AIF1L: variants seen among roughly 807,000 people sequenced by gnomAD.
AIF1L encodes allograft inflammatory factor 1-like.
AIF1L carries 12 observed loss-of-function variants against 20.7 expected under a neutral mutation model. The observed-to-expected ratio is 0.58, with a 90% CI of 0.37 to 0.94. The LOEUF (loss-of-function observed/expected upper bound fraction) is 0.94. AIF1L is among the 40% of genes least tolerant of loss of function. The probability of loss-of-function intolerance (pLI) is 0.01; values close to 1 mark genes in which losing one functional copy is unlikely to be tolerated. For synonymous variants in AIF1L, 76 were observed against 65.1 expected (o/e 1.17, Z -0.81); for missense variants, 173 against 185.3 (o/e 0.93, Z 0.39).
At chr9:131,096,933 G>T (rs1830542415) in intron 2 of AIF1L, 70 bp downstream of exon 2, 1 of 1,444,286 alleles carries the variant, frequency 6.9e-7, no homozygotes. Flanking sequence ...CTCTCCTTCC[G>T]CGAGGCCGTG....
At position 131,114,582 on chromosome 9, in the gene AIF1L, T is replaced by C. The variant is rs1404474662; in HGVS notation, c.166T>C (p.Tyr56His). 6.2e-7 allele frequency: 1 copy of C among 1,613,990 alleles called. No individual in the cohort carries two copies. The highest frequency in any genetic ancestry group is 8.5e-7 in the Non-Finnish European group (1 of 1,179,966). Residue 56 changes from tyrosine (Y) to histidine (H), a missense_variant, in exon 4 of 6, where the codon TAC becomes CAC. By Grantham distance (83) the Tyr-to-His change is moderately conservative. Transcript: ENST00000247291. ...PEKLTAFKEK[Y>H]MEFDLNNEGE... ...TTTTGCTCTGTGATTTCCAGAGAAG[T>C]ACATGGAGTTTGACCTGAACAATGA...
intron 4 of AIF1L, among the ~76,000 whole-genome samples, chr9:131,116,190 A>C (rs1258934610): frequency 6.6e-6 from 1 of 152,162 alleles, no homozygotes; most frequent in African/African-American, 2.4e-5. Context: ...TGAAAAAAAT[A>C]ACTTTCTATT....
intron 2 of AIF1L, among the ~76,000 whole-genome samples, chr9:131,097,734 A>G (rs958268808): frequency 6.6e-5 from 10 of 152,248 alleles, no homozygotes; most frequent in African/African-American, 2.4e-4. Flanking sequence ...ACCTGGGCTC[A>G]GATCTGGCCT....
rs766820239 is a variant in AIF1L, at chr9:131,117,805, C to T, written c.252C>T (p.Thr84=). 28 of 1,613,864 alleles carry T rather than the reference C, an allele frequency of 1.7e-5. No homozygotes were observed. Among genetic ancestry groups the T allele is most frequent in the Non-Finnish European group, 2.0e-5 (24 of 1,179,968 alleles). The change falls in exon 5 of 6, where the codon ACC becomes ACT. Residue 84 remains threonine (T), a synonymous_variant. Transcript: ENST00000247291. ...RMMEKLGVPK[T]HLEMKKMISE... is the part of the protein sequence containing the mutation. ...TGGAGAAGCTTGGTGTCCCCAAGAC[C>T]CACCTGGAGATGAAGAAGATGATCT...
intron 2 of AIF1L, among the ~76,000 whole-genome samples, chr9:131,104,661 T>G (rs1830705660): frequency 6.6e-6 from 1 of 152,202 alleles, no homozygotes; most frequent in Non-Finnish European, 1.5e-5. Context: ...CTGAATAGTC[T>G]GTGAGGGTCT....
intron 2 of AIF1L, among the ~76,000 whole-genome samples, chr9:131,103,732 GC>G (rs1830685943): frequency 6.6e-6 from 1 of 152,156 alleles, no homozygotes; most frequent in African/African-American, 2.4e-5. Flanking sequence ...TGATAGATAA[GC>G]CCACTTTATA....
intron 2 of AIF1L, among the ~76,000 whole-genome samples, chr9:131,100,245 A>G (rs924643616): frequency 8.5e-5 from 13 of 152,190 alleles, no homozygotes; most frequent in African/African-American, 2.7e-4. Flanking sequence ...GAGTAAAAAT[A>G]GGAGACTCTA....
intron 4 of AIF1L, among the ~76,000 whole-genome samples, chr9:131,115,798 AC>A (rs1249982688): frequency 6.6e-6 from 1 of 151,606 alleles, no homozygotes; most frequent in Non-Finnish European, 1.5e-5. Context: ...ACATGGTGAA[AC>A]CCCATCTTTA....
Position 131,120,711 on chromosome 9 carries a change from C to T in AIF1L, c.*389C>T, listed in dbSNP as rs185107272. On this transcript the variant is annotated 3_prime_UTR_variant, in exon 6 of 6. Coordinates refer to ENST00000247291, the MANE Select transcript of AIF1L (RefSeq NM_031426.4). ...TTCAGGCTCACTGACCTGGCTCTGACGAGGACCCCAGGCCACTCTGAGAAG... is the reference window on the plus strand; with the variant it reads ...TTCAGGCTCACTGACCTGGCTCTGATGAGGACCCCAGGCCACTCTGAGAAG... The T allele has an allele frequency of 8.4e-4, 249 of 296,090 alleles. No individual in the cohort carries two copies. The highest frequency in any genetic ancestry group is 2.5e-3 in the Admixed American group (52 of 20,610). 18.3% of individuals were successfully genotyped at this position (296,090 alleles called of 1,614,324 possible).
intron 4 of AIF1L, among the ~76,000 whole-genome samples, chr9:131,117,062 A>T (rs1332331958): frequency 6.6e-6 from 1 of 150,816 alleles, no homozygotes; most frequent in Non-Finnish European, 1.5e-5. Context: ...TCTTGGTGGG[A>T]GCTGGGCGGT....
In AIF1L at chr9:131,102,956, C is replaced by T. The variant is rs748528061; in HGVS notation, c.93+6093C>T. 7 of 456,330 alleles carry T rather than the reference C, an allele frequency of 1.5e-5. 1 individual carries two copies. The highest frequency in any genetic ancestry group is 1.1e-4 in the South Asian group (7 of 64,572). The allele number at this position is 456,330 out of a possible 1,614,324, so 28.3% of individuals were successfully genotyped here. A position where few individuals can be genotyped will look rare whatever the true frequency, so the allele number is the denominator to read the frequency against. On this transcript the variant is annotated intron_variant, in intron 2 of 5. Coordinates refer to ENST00000247291, the MANE Select transcript of AIF1L (RefSeq NM_031426.4). The stretch of plus-strand genomic sequence containing the variant: ...GATACAGAAAGACAAGCCTGGAGGG[C>T]CAGGAGCAAGGGTTCGCCAGAAGGT...
In AIF1L at chr9:131,123,057, T is replaced by C. The variant is rs956886008; in HGVS notation, c.*2735T>C. The stretch of plus-strand genomic sequence containing the variant: ...GGAGGGTTTGTCGGGCAAATTCAGG[T>C]GGATGAAGTATGTGTGTGCGTGTGC... On this transcript the variant is annotated 3_prime_UTR_variant, in exon 6 of 6. Transcript: ENST00000247291. The C allele has an allele frequency of 6.6e-6, 1 of 152,418 alleles. No individual in the cohort carries two copies. The highest frequency in any genetic ancestry group is 2.4e-5 in the African/African-American group (1 of 41,440). The allele number at this position is 152,418 out of a possible 1,614,324, so 9.4% of individuals were successfully genotyped here.
chr9:131,111,365 G>A (rs1830878820), intron 2 of AIF1L: 4 of 497,466 alleles, frequency 8.0e-6, no homozygotes, highest in South Asian at 2.9e-5. Flanking sequence ...TTAGTCACCC[G>A]TAGTGAACCC....
chr9:131,101,535 A>G (rs1434098229), intron 2 of AIF1L, among the ~76,000 whole-genome samples: 2 of 151,756 alleles, frequency 1.3e-5, no homozygotes, highest in Non-Finnish European at 1.5e-5. Flanking sequence ...TGTGGAGACA[A>G]GGTTTCACCA....
At chr9:131,111,857 T>G in intron 3 of AIF1L, 194 bp downstream of exon 3, 1 of 519,900 alleles carries the variant, frequency 1.9e-6, no homozygotes. Context: ...CCTGCCTCCC[T>G]GCCCCTGCGG....
intron 2 of AIF1L, chr9:131,102,805 CAG>C: frequency 2.3e-6 from 1 of 440,464 alleles, no homozygotes; most frequent in South Asian, 1.6e-5. Flanking sequence ...TGGGCTGCGT[CAG>C]AGGTCCTACG....
intron 5 of AIF1L, 106 bp from the exon 6 acceptor site, chr9:131,120,129 G>C: frequency 1.9e-6 from 2 of 1,067,010 alleles, no homozygotes; most frequent in East Asian, 2.5e-5. Flanking sequence ...TTTAAATTCT[G>C]TTGAGGACCC....
At chr9:131,100,844 G>A (rs916253432) in intron 2 of AIF1L, among the ~76,000 whole-genome samples, 3 of 152,222 alleles carry the variant, frequency 2.0e-5, no homozygotes, top group Middle Eastern at 3.2e-3. Context: ...AGCAGGAGGC[G>A]CTCAGGGGAC....
At chr9:131,104,916 C>A (rs1466816946) in intron 2 of AIF1L, among the ~76,000 whole-genome samples, 1 of 149,472 alleles carries the variant, frequency 6.7e-6, no homozygotes, top group Non-Finnish European at 1.5e-5. Flanking sequence ...AAAAAAAATT[C>A]ATGCAGCCAT....
Sources: allele counts gnomAD v4.1 joint callset (sites outside exome capture counted in the v4.1 genomes callset), GRCh38; gene constraint gnomAD v4.1.1; transcripts MANE v1.5; gene names NCBI Gene and HGNC (gene_info 2026-07-23, HGNC 2026-07-21).